Variants in MYO10 observed in about 807,000 individuals in gnomAD.
MYO10 encodes the protein unconventional myosin-X.
In MYO10, 133 loss-of-function variants were observed where a neutral mutation model predicts 257.3. That is an observed-to-expected ratio of 0.52 (90% CI 0.45 to 0.60). The LOEUF is 0.60. MYO10 is among the 20% of genes least tolerant of loss of function. The pLI is 0.00. For synonymous variants in MYO10, 1,104 were observed against 1,028.6 expected, an observed-to-expected ratio of 1.07 and a Z score of -1.40; for missense variants, 2,399 against 2,635.7, an observed-to-expected ratio of 0.91 and a Z score of 1.97.
intron 17 of MYO10, among the ~76,000 whole-genome samples, chr5:16,759,914 A>G (rs932299098): frequency 6.6e-6 from 1 of 152,176 alleles, no homozygotes; most frequent in East Asian, 1.9e-4. Flanking sequence ...CTGAGTTTCT[A>G]GGCTGATACT....
intron 19 of MYO10, among the ~76,000 whole-genome samples, chr5:16,714,871 CA>C (rs1269866104): frequency 6.6e-6 from 1 of 151,788 alleles, no homozygotes; most frequent in Non-Finnish European, 1.5e-5. Context: ...TTACTGGGTA[CA>C]AAAAATAGAA....
At chr5:16,763,446 C>T in intron 14 of MYO10, 35 bp downstream of exon 14, 3 of 1,544,918 alleles carry the variant, frequency 1.9e-6, no homozygotes, top group Non-Finnish European at 2.7e-6. Context: ...GCTGGACCCC[C>T]TTGGGACTGT....
At chr5:16,779,521 G>A in intron 9 of MYO10, 24 bp downstream of exon 9, 1 of 1,383,070 alleles carries the variant, frequency 7.2e-7, no homozygotes, top group Non-Finnish European at 9.9e-7. Context: ...ATCTTAATAG[G>A]GAAAACATTT....
At chr5:16,917,530 C>T (rs902774086) in intron 1 of MYO10, among the ~76,000 whole-genome samples, 6 of 151,934 alleles carry the variant, frequency 3.9e-5, no homozygotes, top group South Asian at 2.1e-4. Context: ...GGCAAAAGTG[C>T]CTCCAGTTGA....
intron 2 of MYO10, among the ~76,000 whole-genome samples, chr5:16,825,074 T>C (rs1363997687): frequency 6.6e-6 from 1 of 152,198 alleles, no homozygotes; most frequent in Non-Finnish European, 1.5e-5. Context: ...TTGTACTGCA[T>C]TAATTATGGT....
intron 34 of MYO10, 66 bp downstream of exon 34, chr5:16,675,965 C>A: frequency 6.6e-7 from 1 of 1,516,982 alleles, no homozygotes; most frequent in Non-Finnish European, 8.9e-7. Flanking sequence ...CTGTGTTAAG[C>A]TAAAGAGTTA....
intron 34 of MYO10, among the ~76,000 whole-genome samples, chr5:16,675,628 C>T (rs942756122): frequency 1.3e-5 from 2 of 152,060 alleles, no homozygotes; most frequent in African/African-American, 4.8e-5. Context: ...ATCCCGGCTA[C>T]TTAGGAGGCT....
chr5:16,775,032 A>C (rs1741174885), intron 9 of MYO10, among the ~76,000 whole-genome samples: 1 of 152,216 alleles, frequency 6.6e-6, no homozygotes, highest in South Asian at 2.1e-4. Flanking sequence ...GGAGTAAAAG[A>C]ATAAACAGAT....
rs1027681518 is a variant in MYO10 at position 16,758,144 on chromosome 5, G to C, written c.1822C>G (p.Arg608Gly). The C allele has an allele frequency of 6.2e-7, 1 of 1,612,648 alleles. No homozygotes were observed. The highest frequency in any genetic ancestry group is 1.7e-5 in the Admixed American group (1 of 59,992). ...TTGAACTGTGAGCTGACTGTAGGCC[G>C]CCGATGTTTGCTTCCACATTTCAAG... ...DTLKCGSKHR[R>G]PTVSSQFKDS... Residue 608 changes from arginine to glycine, a missense_variant, in exon 18 of 41, where the codon CGG (arginine) becomes GGG (glycine). Around this residue, in one of 3 missense-constraint regions of MYO10, gnomAD observed 1,820 missense variants for 1,939.4 expected, o/e 0.94. Coordinates refer to ENST00000513610, the MANE Select transcript of MYO10 (RefSeq NM_012334.3).
intron 15 of MYO10, 90 bp downstream of exon 15, chr5:16,762,455 T>C (rs1740746036): frequency 9.8e-7 from 1 of 1,020,546 alleles, no homozygotes. Flanking sequence ...GGAGGCACAG[T>C]TGGGCCAGCG....
intron 3 of MYO10, among the ~76,000 whole-genome samples, chr5:16,810,882 A>T (rs1374978420): frequency 6.6e-6 from 1 of 152,114 alleles, no homozygotes; most frequent in East Asian, 1.9e-4. Context: ...AGCCTGGCCA[A>T]CGTGGTGAAA....
chr5:16,673,774 G>C lies in MYO10; in HGVS notation c.5080C>G (p.Leu1694Val), dbSNP rs764940167. Reference sequence around the variant, plus strand: ...GATGTCATTTCCTGCCTGTGGATCAGAGCTTCTATTTCATCTCGGGAAGGC... The same window carrying C: ...GATGTCATTTCCTGCCTGTGGATCACAGCTTCTATTTCATCTCGGGAAGGC... ...FVPSRDEIEA[L>V]IHRQEMTSTV... The change falls in exon 36 of 41, where the codon CTG (leucine) becomes GTG (valine). Residue 1694 changes from leucine (L) to valine (V), a missense_variant. Leu to Val is a conservative substitution (Grantham distance 32). Transcript: ENST00000513610. The C allele has an allele frequency of 1.9e-6, 3 of 1,614,008 alleles. No individual in the cohort carries two copies. Among genetic ancestry groups the C allele is most frequent in the East Asian group, 4.5e-5 (2 of 44,874 alleles).
chr5:16,812,329 C>T (rs1580016319), intron 3 of MYO10, among the ~76,000 whole-genome samples: 1 of 152,194 alleles, frequency 6.6e-6, no homozygotes, highest in Non-Finnish European at 1.5e-5. Flanking sequence ...GGGCTCTAAC[C>T]CAGGCACTGC....
intron 3 of MYO10, among the ~76,000 whole-genome samples, chr5:16,798,150 C>T (rs529581204): frequency 6.6e-6 from 1 of 152,288 alleles, no homozygotes; most frequent in South Asian, 2.1e-4. Context: ...GCGCCATGCT[C>T]TTGGACTGGC....
At chr5:16,855,043 A>C (rs1344999243) in intron 2 of MYO10, among the ~76,000 whole-genome samples, 2 of 148,398 alleles carry the variant, frequency 1.3e-5, no homozygotes, top group African/African-American at 2.5e-5. Context: ...AAAAAAAAAA[A>C]CCAAAAAAAC....
chr5:16,761,959 A>T, intron 16 of MYO10, 86 bp downstream of exon 16: 1 of 1,370,626 alleles, frequency 7.3e-7, no homozygotes. Context: ...GCCCAGCCCA[A>T]TAAATTCATG....
chr5:16,907,231 T>C (rs1745543303), intron 1 of MYO10, among the ~76,000 whole-genome samples: 1 of 152,244 alleles, frequency 6.6e-6, no homozygotes, highest in African/African-American at 2.4e-5. Context: ...CTTGCCTCTT[T>C]GTTAACTTTT....
chr5:16,863,896 G>A (rs753642453), intron 2 of MYO10, among the ~76,000 whole-genome samples: 2 of 152,168 alleles, frequency 1.3e-5, no homozygotes, highest in East Asian at 3.9e-4. Flanking sequence ...TCAGGAGTTC[G>A]TGACCAGCCT....
intron 1 of MYO10, among the ~76,000 whole-genome samples, chr5:16,905,589 C>G (rs1049713640): frequency 3.9e-5 from 6 of 152,078 alleles, no homozygotes; most frequent in Admixed American, 3.9e-4. Flanking sequence ...CTCCACTGAC[C>G]GATGAGTGCT....
Sources: gnomAD v4.1 joint callset for allele counts (sites outside exome capture counted in the v4.1 genomes callset) on GRCh38, gnomAD v4.1.1 for gene constraint, gnomAD v4.1.1 regional missense constraint, MANE v1.5 for transcripts, NCBI Gene and HGNC (gene_info 2026-07-23, HGNC 2026-07-21) for gene names.